GRIK3: variants seen among roughly 807,000 people sequenced by gnomAD.
GRIK3 encodes glutamate receptor ionotropic, kainate 3.
A neutral mutation model predicts 102.5 loss-of-function variants in GRIK3; 29 were observed. That is an observed-to-expected ratio of 0.28 (90% CI 0.21 to 0.39). The LOEUF is 0.39. Ranked by LOEUF, GRIK3 falls within the 10% of genes least tolerant of loss-of-function variation. The probability of loss-of-function intolerance (pLI) is 1.00; values close to 1 mark genes in which losing one functional copy is unlikely to be tolerated. For synonymous variants in GRIK3, 511 were observed against 504.9 expected (o/e 1.01, Z -0.16); for missense variants, 908 against 1,252.4 (o/e 0.73, Z 4.15).
At chr1:36,947,939 T>A (rs1641802953) in intron 1 of GRIK3, among the ~76,000 whole-genome samples, 1 of 152,068 alleles carries the variant, frequency 6.6e-6, no homozygotes, top group South Asian at 2.1e-4. Context: ...CTCTCTACAC[T>A]TGCCTTTGCA....
chr1:36,852,056 G>T (rs1309509395), intron 8 of GRIK3, among the ~76,000 whole-genome samples: 1 of 152,192 alleles, frequency 6.6e-6, no homozygotes, highest in Non-Finnish European at 1.5e-5. Context: ...CACTGCAGGA[G>T]CTTAAATAGA....
chr1:36,996,644 G>A (rs1264897059), intron 1 of GRIK3, among the ~76,000 whole-genome samples: 1 of 152,210 alleles, frequency 6.6e-6, no homozygotes, highest in East Asian at 1.9e-4. Flanking sequence ...ACAGACAGGT[G>A]TGTCTGTGGC....
At chr1:36,905,134 C>A (rs769498447) in intron 1 of GRIK3, among the ~76,000 whole-genome samples, 1 of 151,960 alleles carries the variant, frequency 6.6e-6, no homozygotes, top group Non-Finnish European at 1.5e-5. Context: ...AAAAAAGAGA[C>A]CCTACTCACA....
chr1:36,956,021 G>A (rs1641901722), intron 1 of GRIK3, among the ~76,000 whole-genome samples: 1 of 152,264 alleles, frequency 6.6e-6, no homozygotes, highest in South Asian at 2.1e-4. Context: ...CAGGCCTCCA[G>A]GCTCCACCAA....
chr1:36,960,943 A>AT (rs1642000837), intron 1 of GRIK3, among the ~76,000 whole-genome samples: 1 of 152,146 alleles, frequency 6.6e-6, no homozygotes, highest in Non-Finnish European at 1.5e-5. Flanking sequence ...TTTGGGATTC[A>AT]TCAGGGAAGC....
chr1:36,885,910 C>T (rs549605228), intron 2 of GRIK3, among the ~76,000 whole-genome samples: 5 of 152,122 alleles, frequency 3.3e-5, no homozygotes, highest in Non-Finnish European at 7.4e-5. Flanking sequence ...GAATGCTGTC[C>T]CCCCACTCCC....
At chr1:36,993,733 G>C (rs1202325527) in intron 1 of GRIK3, among the ~76,000 whole-genome samples, 1 of 152,150 alleles carries the variant, frequency 6.6e-6, no homozygotes, top group Non-Finnish European at 1.5e-5. Context: ...CCTGCTTTTA[G>C]GATTGCCTCA....
At chr1:36,909,600 C>CT (rs1407301983) in intron 1 of GRIK3, among the ~76,000 whole-genome samples, 1 of 152,090 alleles carries the variant, frequency 6.6e-6, no homozygotes, top group Admixed American at 6.6e-5. Flanking sequence ...TGCGCCCGGC[C>CT]TTTTTTTCTT....
rs1642861946 is a variant in GRIK3, at chr1:37,034,170, C to T, written c.-62G>A. ...TGGCGGGCTCCCTGGGGCGGCAGCTCTAGGCGCGGGCGCGCAGCAGCCCCG... is the reference window on the plus strand; with the variant it reads ...TGGCGGGCTCCCTGGGGCGGCAGCTTTAGGCGCGGGCGCGCAGCAGCCCCG... On this transcript the variant is annotated 5_prime_UTR_variant, in exon 1 of 16. An upstream open reading frame in the 5' UTR loses its in-frame stop. Transcript: ENST00000373091. 7.3e-6 allele frequency: 5 copies of T among 686,440 alleles called. No homozygotes were observed. In the East Asian group the frequency reaches 1.6e-4, roughly 22 times the overall value. The allele number at this position is 686,440 out of a possible 1,614,324, so 42.5% of individuals were successfully genotyped here. A position where few individuals can be genotyped will look rare whatever the true frequency, so the allele number is the denominator to read the frequency against.
chr1:37,009,479 G>C (rs1457765688), intron 1 of GRIK3, among the ~76,000 whole-genome samples: 1 of 152,222 alleles, frequency 6.6e-6, no homozygotes, highest in Non-Finnish European at 1.5e-5. Context: ...GCTCGCCGAA[G>C]CGAAGTCTGC....
Position 36,815,603 on chromosome 1 carries a change from T to C in GRIK3, c.2091+1457A>G, listed in dbSNP as rs185653645. ...AGAGTTCCTAAATCCTAATCATTTCTGGGAAACCTTTGGAACAGTGGTTCT... is the reference window on the plus strand; with the variant it reads ...AGAGTTCCTAAATCCTAATCATTTCCGGGAAACCTTTGGAACAGTGGTTCT... On this transcript the variant is annotated intron_variant, in intron 13 of 15. Transcript: ENST00000373091. Among the ~76,000 whole-genome samples, 316 of 152,320 alleles carry C rather than the reference T, an allele frequency of 2.1e-3. 4 individuals carry two copies. In the East Asian group the frequency reaches 0.027, roughly 13 times the overall value.
chr1:36,980,582 C>G lies in GRIK3; in HGVS notation c.115+53412G>C, dbSNP rs533477562. On this transcript the variant is annotated intron_variant, in intron 1 of 15. Transcript: ENST00000373091. ...CAGGGACCGCCCCCCACCCCACACC[C>G]AGATTGACAGGTGTGACTAACAGGC... Among the ~76,000 whole-genome samples, 660 of 152,046 alleles carry G rather than the reference C, an allele frequency of 4.3e-3. 2 individuals carry two copies. The highest frequency in any genetic ancestry group is 7.6e-3 in the Non-Finnish European group (514 of 67,982).
chr1:36,999,597 G>A (rs1435698054), intron 1 of GRIK3, among the ~76,000 whole-genome samples: 1 of 152,002 alleles, frequency 6.6e-6, no homozygotes, highest in Non-Finnish European at 1.5e-5. Flanking sequence ...AGATCCTTCA[G>A]CCCCCTCCCC....
intron 1 of GRIK3, among the ~76,000 whole-genome samples, chr1:36,971,202 C>T (rs1019949279): frequency 6.6e-6 from 1 of 152,160 alleles, no homozygotes; most frequent in African/African-American, 2.4e-5. Flanking sequence ...TAGAGATGGG[C>T]AAGTGTCTAA....
intron 13 of GRIK3, among the ~76,000 whole-genome samples, chr1:36,814,697 A>G (rs1315898862): frequency 6.6e-6 from 1 of 151,664 alleles, no homozygotes; most frequent in Non-Finnish European, 1.5e-5. Flanking sequence ...TACACACACA[A>G]AGGCGAGTAT....
intron 1 of GRIK3, among the ~76,000 whole-genome samples, chr1:36,893,832 C>T (rs370193824): frequency 4.8e-4 from 73 of 151,948 alleles, no homozygotes; most frequent in Admixed American, 2.5e-3. Flanking sequence ...CAGGAAATAC[C>T]CATGATATAT....
chr1:36,999,028 T>C (rs1043845224), intron 1 of GRIK3, among the ~76,000 whole-genome samples: 1 of 141,906 alleles, frequency 7.0e-6, no homozygotes, highest in African/African-American at 2.7e-5. Context: ...GTGTTGGGGG[T>C]GGGGAGGGAA....
At position 36,927,844 on chromosome 1, in the gene GRIK3, G is replaced by GGA. The variant is rs374770027; in HGVS notation, c.116-36750_116-36749dup. Reference sequence around the variant, plus strand: ...GTGTGAGGCTCCCCGAGAGGCAGGGGGAGAGATAATTGGAGACCCGGAGCC... The same window carrying GGA: ...GTGTGAGGCTCCCCGAGAGGCAGGGGGAGAGAGATAATTGGAGACCCGGAGCC... On this transcript the variant is annotated intron_variant, in intron 1 of 15. Transcript: ENST00000373091. 1.1e-3 allele frequency among the ~76,000 whole-genome samples: 168 copies of GGA among 152,178 alleles called. 1 individual carries two copies. The highest frequency in any genetic ancestry group is 3.7e-3 in the African/African-American group (153 of 41,510).
intron 8 of GRIK3, among the ~76,000 whole-genome samples, chr1:36,851,765 T>C (rs1282018053): frequency 2.0e-5 from 3 of 152,212 alleles, no homozygotes; most frequent in Non-Finnish European, 2.9e-5. Context: ...AGAGTTTTTC[T>C]TGAGTATTAG....
Sources: allele counts gnomAD v4.1 joint callset (sites outside exome capture counted in the v4.1 genomes callset), GRCh38; gene constraint gnomAD v4.1.1; transcripts MANE v1.5; gene names NCBI Gene and HGNC (gene_info 2026-07-23, HGNC 2026-07-21).